Variants in PRAMEF17 observed in about 807,000 individuals in gnomAD.
PRAMEF17 encodes PRAME family member 17.
Under a neutral mutation model 36.8 loss-of-function variants are expected in PRAMEF17, and 48 were observed. The observed-to-expected ratio is 1.30, with a 90% CI of 1.03 to 1.66. The LOEUF (loss-of-function observed/expected upper bound fraction) is 1.66, where lower values mean the gene tolerates loss of function less well. Ranked by LOEUF, PRAMEF17 falls within the 40% of genes most tolerant of loss-of-function variation. The probability of loss-of-function intolerance (pLI) is 0.00; values close to 1 mark genes in which losing one functional copy is unlikely to be tolerated. For synonymous variants in PRAMEF17, 246 were observed against 220.4 expected, an observed-to-expected ratio of 1.12 and a Z score of -1.03; for missense variants, 639 against 560.6, an observed-to-expected ratio of 1.14 and a Z score of -1.41.
Position 13,392,137 on chromosome 1 carries a change from C to T in PRAMEF17, c.1060C>T (p.Leu354Phe). The T allele has an allele frequency of 6.2e-7, 1 of 1,611,922 alleles. No individual in the cohort carries two copies. The highest frequency in any genetic ancestry group is 8.5e-7 in the Non-Finnish European group (1 of 1,179,848). ...GAAAGTTGCTGCTACTCTCGAGATCCTCACGTTAAAGGACTGTCAGATCCA... is the reference window on the plus strand; with the variant it reads ...GAAAGTTGCTGCTACTCTCGAGATCTTCACGTTAAAGGACTGTCAGATCCA... ...LEKVAATLEI[L>F]TLKDCQIQDS... Residue 354 changes from leucine to phenylalanine, a missense_variant, in exon 3 of 3, where the codon CTC becomes TTC. By Grantham distance (22) the Leu-to-Phe change is conservative (BLOSUM62 0). Coordinates refer to ENST00000376098, the MANE Select transcript of PRAMEF17 (RefSeq NM_001099851.3).
Position 13,389,723 on chromosome 1 carries a change from C to T in PRAMEF17, c.66C>T (p.Phe22=). 3.1e-6 allele frequency: 5 copies of T among 1,612,164 alleles called. No individual in the cohort carries two copies. The highest frequency in any genetic ancestry group is 4.2e-6 in the Non-Finnish European group (5 of 1,179,958). Residue 22 remains phenylalanine, a synonymous_variant, in exon 1 of 3, where the codon TTC becomes TTT. Transcript: ENST00000376098. ...LAGQSLLRNQ[F]LTIFILDELP... ...GCCAGAGCCTGCTGAGGAACCAGTT[C>T]TTGACCATCTTCATCCTGGACGAGC...
chr1:13,391,336 T>C (rs1640877348), intron 2 of PRAMEF17, among the ~76,000 whole-genome samples: 1 of 152,170 alleles, frequency 6.6e-6, no homozygotes, highest in Non-Finnish European at 1.5e-5. Context: ...CCTCACAGCT[T>C]AGTAAACACC....
rs745950786 is a variant in PRAMEF17, at chr1:13,390,515, C to A, written c.462C>A (p.Cys154Ter). 7 of 1,611,834 alleles carry A rather than the reference C, an allele frequency of 4.3e-6. No homozygotes were observed. The highest frequency in any genetic ancestry group is 5.9e-6 in the Non-Finnish European group (7 of 1,179,870). Residue 154 changes from cysteine (C) to a stop codon, truncating the protein, a stop_gained, in exon 2 of 3, where the codon TGC becomes TGA. Transcript: ENST00000376098. LOFTEE classifies it high-confidence loss of function. ...HQPLKVFIDL[C>*]QKESTLDECL... ...CCTTGAAGGTGTTCATAGACCTCTG[C>A]CAAAAGGAAAGTACACTGGATGAAT...
chr1:13,389,971 G>A (rs1640858301), intron 1 of PRAMEF17, 27 bp downstream of exon 1: 13 of 1,612,118 alleles, frequency 8.1e-6, no homozygotes, highest in Non-Finnish European at 1.0e-5. Context: ...GGCCTGGTGG[G>A]AAGGGTCCAG....
At chr1:13,391,061 T>C in intron 2 of PRAMEF17, 142 bp downstream of exon 2, 1 of 1,280,322 alleles carries the variant, frequency 7.8e-7, no homozygotes, top group Non-Finnish European at 1.1e-6. Flanking sequence ...CAACTCATTA[T>C]GCTGTTCAGT....
Position 13,390,437 on chromosome 1 carries a change from C to A in PRAMEF17, c.384C>A (p.Ala128=). 3 of 1,611,968 alleles carry A rather than the reference C, an allele frequency of 1.9e-6. No individual in the cohort carries two copies. The highest frequency in any genetic ancestry group is 2.5e-6 in the Non-Finnish European group (3 of 1,179,852). ...GGGCCCTCTCCTGCTCCCCAGAGGC[C>A]ATGAGTAAGAGGCAGACAGTGGAGG... ...GARALSCSPE[A]MSKRQTVEDY... The change falls in exon 2 of 3, where the codon GCC becomes GCA. Residue 128 remains alanine (A), a synonymous_variant. Coordinates refer to ENST00000376098, the MANE Select transcript of PRAMEF17 (RefSeq NM_001099851.3).
In PRAMEF17 at chr1:13,390,398, A is replaced by G. The variant is rs754369360; in HGVS notation, c.345A>G (p.Ile115Met). Residue 115 changes from isoleucine (I) to methionine (M), a missense_variant, in exon 2 of 3, where the codon ATA becomes ATG. Coordinates refer to ENST00000376098, the MANE Select transcript of PRAMEF17 (RefSeq NM_001099851.3). ...LRDVDGNFWT[I>M]WSGARALSCS... is the part of the protein sequence containing the mutation. ...ATGTTGATGGGAATTTCTGGACTATATGGTCTGGAGCCAGGGCCCTCTCCT... is the reference window on the plus strand; with the variant it reads ...ATGTTGATGGGAATTTCTGGACTATGTGGTCTGGAGCCAGGGCCCTCTCCT... The G allele has an allele frequency of 7.4e-6, 12 of 1,611,840 alleles. No individual in the cohort carries two copies. Among genetic ancestry groups the G allele is most frequent in the African/African-American group, 1.3e-5 (1 of 74,834 alleles).
At chr1:13,391,259 A>G (rs1337277918) in intron 2 of PRAMEF17, among the ~76,000 whole-genome samples, 2 of 152,126 alleles carry the variant, frequency 1.3e-5, no homozygotes, top group Non-Finnish European at 2.9e-5. Flanking sequence ...CTTATTCTTC[A>G]TATAGAGGAG....
In PRAMEF17 at chr1:13,392,207, C is replaced by T. The variant is rs1427336147; in HGVS notation, c.1130C>T (p.Ser377Phe). The T allele has an allele frequency of 1.9e-6, 3 of 1,611,884 alleles. No homozygotes were observed. Among genetic ancestry groups the T allele is most frequent in the Admixed American group, 1.7e-5 (1 of 59,982 alleles). Residue 377 changes from serine to phenylalanine, a missense_variant, in exon 3 of 3, where the codon TCC (serine) becomes TTC (phenylalanine). Transcript: ENST00000376098. ...RVLLPALSRC[S>F]QLTTFYFRGN... is the part of the protein sequence containing the mutation. The stretch of plus-strand genomic sequence containing the variant: ...CTCCTGCCTGCCCTGAGCCGCTGCT[C>T]CCAGCTCACCACCTTCTACTTTCGC...
Position 13,392,382 on chromosome 1 carries a change from T to G in PRAMEF17, c.1305T>G (p.Ala435=), listed in dbSNP as rs1348943338. 2.5e-6 allele frequency: 4 copies of G among 1,611,888 alleles called. No individual in the cohort carries two copies. Among genetic ancestry groups the G allele is most frequent in the Non-Finnish European group, 3.4e-6 (4 of 1,179,866 alleles). The change falls in exon 3 of 3, where the codon GCT becomes GCG. Residue 435 remains alanine (A), a synonymous_variant. Coordinates refer to ENST00000376098, the MANE Select transcript of PRAMEF17 (RefSeq NM_001099851.3). ...GGGAGATCCTCGCCCCAATTCGGGC[T>G]GAGCTGATGTGTACACTCAGGGAAG... is the stretch of plus-strand genomic sequence containing the variant. ...VNWEILAPIR[A]ELMCTLREVR... is the part of the protein sequence containing the mutation.
chr1:13,390,382 G>C lies in PRAMEF17; in HGVS notation c.329G>C (p.Gly110Ala). Residue 110 changes from glycine to alanine, a missense_variant, in exon 2 of 3, where the codon GGG (glycine) becomes GCG (alanine). Coordinates refer to ENST00000376098, the MANE Select transcript of PRAMEF17 (RefSeq NM_001099851.3). ...GTGCTGGATTTGCGGGATGTTGATGGGAATTTCTGGACTATATGGTCTGGA... is the reference window on the plus strand; with the variant it reads ...GTGCTGGATTTGCGGGATGTTGATGCGAATTTCTGGACTATATGGTCTGGA... Reference protein sequence around the residue: ...LQVLDLRDVDGNFWTIWSGAR... With the variant: ...LQVLDLRDVDANFWTIWSGAR... The C allele has an allele frequency of 6.2e-7, 1 of 1,611,372 alleles. No individual in the cohort carries two copies. The highest frequency in any genetic ancestry group is 1.1e-5 in the South Asian group (1 of 90,948).
chr1:13,390,154 A>G (rs1259601338), intron 1 of PRAMEF17, among the ~76,000 whole-genome samples, 187 bp from the exon 2 acceptor site: 1 of 152,134 alleles, frequency 6.6e-6, no homozygotes, highest in African/African-American at 2.4e-5. Context: ...GCTTCCTCCC[A>G]GTGGAAGGTA....
rs201454937 is a variant in PRAMEF17 at position 13,392,172 on chromosome 1, G to A, written c.1095G>A (p.Gln365=). The change falls in exon 3 of 3, where the codon CAG becomes CAA. Residue 365 remains glutamine (Q), a synonymous_variant. Transcript: ENST00000376098. ...AGGACTGTCAGATCCAGGACTCCCAGCTCAGGGTCCTCCTGCCTGCCCTGA... is the reference window on the plus strand; with the variant it reads ...AGGACTGTCAGATCCAGGACTCCCAACTCAGGGTCCTCCTGCCTGCCCTGA... ...TLKDCQIQDS[Q]LRVLLPALSR... 852 of 1,611,914 alleles carry A rather than the reference G, an allele frequency of 5.3e-4. 6 individuals are homozygous for A. The East Asian group carries it at 9.7e-3, about 18-fold the overall frequency.
rs1414369336 is a variant in PRAMEF17 at position 13,390,372 on chromosome 1, G to T, written c.319G>T (p.Asp107Tyr). The change falls in exon 2 of 3, where the codon GAT (aspartate) becomes TAT (tyrosine). Residue 107 changes from aspartate (D) to tyrosine (Y), a missense_variant. By Grantham distance (160) the Asp-to-Tyr change is radical. Transcript: ENST00000376098. ...RWKLQVLDLR[D>Y]VDGNFWTIWS... ...GAAACTTCAAGTGCTGGATTTGCGGGATGTTGATGGGAATTTCTGGACTAT... is the reference window on the plus strand; with the variant it reads ...GAAACTTCAAGTGCTGGATTTGCGGTATGTTGATGGGAATTTCTGGACTAT... 2.5e-6 allele frequency: 4 copies of T among 1,611,982 alleles called. No individual in the cohort carries two copies. The South Asian group carries it at 4.4e-5, about 18-fold the overall frequency.
In PRAMEF17 at chr1:13,392,515, T is replaced by A. The variant is rs1640900355; in HGVS notation, c.*13T>A. On this transcript the variant is annotated 3_prime_UTR_variant, in exon 3 of 3. Coordinates refer to ENST00000376098, the MANE Select transcript of PRAMEF17 (RefSeq NM_001099851.3). Reference sequence around the variant, plus strand: ...TCTTTGCTCTTAGTGAAGGCCTGATTAGTGGGATGGATATGCTTTCTTCAG... The same window carrying A: ...TCTTTGCTCTTAGTGAAGGCCTGATAAGTGGGATGGATATGCTTTCTTCAG... 2.5e-6 allele frequency: 4 copies of A among 1,611,850 alleles called. No individual in the cohort carries two copies. Among genetic ancestry groups the A allele is most frequent in the African/African-American group, 1.3e-5 (1 of 74,850 alleles).
At position 13,392,542 on chromosome 1, in the gene PRAMEF17, A is replaced by T. The variant is rs1192934576; in HGVS notation, c.*40A>T. 5.0e-6 allele frequency: 8 copies of T among 1,608,608 alleles called. No homozygotes were observed. Among genetic ancestry groups the T allele is most frequent in the African/African-American group, 1.3e-5 (1 of 74,264 alleles). On this transcript the variant is annotated 3_prime_UTR_variant, in exon 3 of 3. Coordinates refer to ENST00000376098, the MANE Select transcript of PRAMEF17 (RefSeq NM_001099851.3). ...GTGGGATGGATATGCTTTCTTCAGG[A>T]CCCTTAGGCACTAAAATCTAGGACA...
rs532642795 is a variant in PRAMEF17 at position 13,392,587 on chromosome 1, T to G, written c.*85T>G. On this transcript the variant is annotated 3_prime_UTR_variant, in exon 3 of 3. Transcript: ENST00000376098. Reference sequence around the variant, plus strand: ...AGGACACAGGTGGGTTTTTTTGTTTTTTTGTTTTTTTTTTGATGGAGTCTC... The same window carrying G: ...AGGACACAGGTGGGTTTTTTTGTTTGTTTGTTTTTTTTTTGATGGAGTCTC... 2 of 1,566,210 alleles carry G rather than the reference T, an allele frequency of 1.3e-6. No individual in the cohort carries two copies. The highest frequency in any genetic ancestry group is 1.4e-5 in the African/African-American group (1 of 70,802).
At position 13,390,948 on chromosome 1, in the gene PRAMEF17, A is replaced by G. The variant is rs915609589; in HGVS notation, c.866+29A>G. 3.5e-5 allele frequency: 57 copies of G among 1,611,698 alleles called. No homozygotes were observed. The African/African-American group carries it at 4.5e-4, about 13-fold the overall frequency. The stretch of plus-strand genomic sequence containing the variant: ...AGAAAGGATGGTGAGCTTTCTCTGC[A>G]GACCATACCACAGACTTTTGTTCTT... On this transcript the variant is annotated intron_variant, in intron 2 of 2. Coordinates refer to ENST00000376098, the MANE Select transcript of PRAMEF17 (RefSeq NM_001099851.3).
intron 2 of PRAMEF17, 108 bp from the exon 3 acceptor site, chr1:13,391,836 A>G (rs1325796419): frequency 6.7e-7 from 1 of 1,482,252 alleles, no homozygotes; most frequent in Admixed American, 1.8e-5. Context: ...TGTGGTAGTA[A>G]GGTGCAGAAT....
Sources: gnomAD v4.1 joint callset for allele counts (sites outside exome capture counted in the v4.1 genomes callset) on GRCh38, gnomAD v4.1.1 for gene constraint, MANE v1.5 for transcripts, NCBI Gene and HGNC (gene_info 2026-07-23, HGNC 2026-07-21) for gene names.